Variants in MMP20 observed in about 807,000 individuals in gnomAD.
MMP20 encodes the protein matrix metalloproteinase-20.
In MMP20, 50 loss-of-function variants were observed where a neutral mutation model predicts 51.8. The ratio of observed to expected loss-of-function variants is 0.97; its 90% confidence interval spans 0.77 to 1.22. MMP20 has a LOEUF of 1.22. MMP20 is among the 50% of genes most tolerant of loss of function. The probability of loss-of-function intolerance (pLI) is 0.00; values close to 1 mark genes in which losing one functional copy is unlikely to be tolerated. For missense variants in MMP20, 663 were observed against 601.4 expected (o/e 1.10, Z -1.07); for synonymous variants, 244 against 216.2 (o/e 1.13, Z -1.13).
chr11:102,583,801 C>T (rs1283466615), intron 8 of MMP20, among the ~76,000 whole-genome samples: 3 of 152,172 alleles, frequency 2.0e-5, no homozygotes, highest in Non-Finnish European at 4.4e-5. Flanking sequence ...ATCCTCATCC[C>T]CCATCTCAAC....
chr11:102,614,010 G>A (rs943197489), intron 2 of MMP20, among the ~76,000 whole-genome samples: 1 of 152,312 alleles, frequency 6.6e-6, no homozygotes, highest in East Asian at 1.9e-4. Flanking sequence ...AGGGATCCCC[G>A]AATCAGGGTC....
chr11:102,617,082 C>G (rs17099087), intron 1 of MMP20, 23 bp from the exon 2 acceptor site: 2 of 1,613,922 alleles, frequency 1.2e-6, no homozygotes, highest in Non-Finnish European at 1.7e-6. Context: ...GGCAGGCTGA[C>G]GCGTCTACAG....
At chr11:102,587,612 T>C (rs572792506) in intron 8 of MMP20, among the ~76,000 whole-genome samples, 6 of 152,320 alleles carry the variant, frequency 3.9e-5, no homozygotes, top group Admixed American at 3.9e-4. Flanking sequence ...TACTGCTTCA[T>C]ACATTTTTGG....
intron 6 of MMP20, among the ~76,000 whole-genome samples, chr11:102,598,765 C>T (rs1859412118): frequency 6.6e-6 from 1 of 152,140 alleles, no homozygotes; most frequent in Admixed American, 6.5e-5. Flanking sequence ...GGACTTGATG[C>T]ATGTTGTTGA....
In MMP20 at chr11:102,594,606, G is replaced by C. The variant is rs762443085; in HGVS notation, c.1090+15C>G. 1 of 1,613,242 alleles carries C rather than the reference G, an allele frequency of 6.2e-7. No individual in the cohort carries two copies. Among genetic ancestry groups the C allele is most frequent in the Admixed American group, 1.7e-5 (1 of 59,970 alleles). ...CAGCCCTGCCATTTCTTTCTTTGAG[G>C]GATCTGTAGGGTACCTTTGAAGAAG... is the stretch of plus-strand genomic sequence containing the variant. On this transcript the variant is annotated intron_variant, in intron 7 of 9. Transcript: ENST00000260228.
At chr11:102,623,734 G>A (rs1007790405) in intron 1 of MMP20, among the ~76,000 whole-genome samples, 2 of 152,178 alleles carry the variant, frequency 1.3e-5, no homozygotes, top group Non-Finnish European at 2.9e-5. Flanking sequence ...GCCAACTGTA[G>A]TTTTCCTGAA....
chr11:102,596,693 G>A (rs1411749158), intron 6 of MMP20, among the ~76,000 whole-genome samples: 3 of 152,160 alleles, frequency 2.0e-5, no homozygotes, highest in African/African-American at 7.2e-5. Context: ...TGGTGGTGAG[G>A]GGCAGAGACG....
Position 102,617,099 on chromosome 11 carries a change from C to T in MMP20, c.127-40G>A, listed in dbSNP as rs748438777. ...CAGGCTGACGCGTCTACAGCGTAGT[C>T]TGGGAAATACTCATGCTCAGGTAAG... On this transcript the variant is annotated intron_variant, in intron 1 of 9. Coordinates refer to ENST00000260228, the MANE Select transcript of MMP20 (RefSeq NM_004771.4). The T allele has an allele frequency of 3.1e-6, 5 of 1,613,260 alleles. No individual in the cohort carries two copies. The East Asian group carries it at 8.9e-5, about 29-fold the overall frequency.
intron 1 of MMP20, among the ~76,000 whole-genome samples, chr11:102,621,952 T>C (rs1859756072): frequency 6.6e-6 from 1 of 152,230 alleles, no homozygotes; most frequent in Non-Finnish European, 1.5e-5. Context: ...TTAAAATTTT[T>C]ATTTTTAAGC....
chr11:102,622,303 A>G (rs1224066079), intron 1 of MMP20, among the ~76,000 whole-genome samples: 2 of 151,568 alleles, frequency 1.3e-5, no homozygotes, highest in South Asian at 2.1e-4. Flanking sequence ...ATCCCTAAGC[A>G]CTCTCTCTGC....
At chr11:102,602,220 G>A (rs1210052965) in intron 6 of MMP20, among the ~76,000 whole-genome samples, 1 of 147,452 alleles carries the variant, frequency 6.8e-6, no homozygotes, top group Non-Finnish European at 1.5e-5. Flanking sequence ...TGCCCACCTC[G>A]GCCTCCCAAA....
intron 8 of MMP20, among the ~76,000 whole-genome samples, chr11:102,579,829 G>A (rs1235522156): frequency 6.6e-6 from 1 of 152,078 alleles, no homozygotes; most frequent in African/African-American, 2.4e-5. Flanking sequence ...CATTTGAAAG[G>A]AACTCTCTAT....
At chr11:102,603,265 C>A (rs1473192181) in intron 6 of MMP20, among the ~76,000 whole-genome samples, 1 of 152,148 alleles carries the variant, frequency 6.6e-6, no homozygotes, top group African/African-American at 2.4e-5. Flanking sequence ...TCAGTGGCTC[C>A]CTGGTTGCCA....
intron 3 of MMP20, among the ~76,000 whole-genome samples, chr11:102,611,340 G>A (rs1565398307): frequency 6.6e-6 from 1 of 152,192 alleles, no homozygotes; most frequent in Non-Finnish European, 1.5e-5. Flanking sequence ...GCTGCTTCAA[G>A]GTCACTGTGG....
chr11:102,588,276 A>G (rs1859276715), intron 8 of MMP20, among the ~76,000 whole-genome samples: 1 of 152,004 alleles, frequency 6.6e-6, no homozygotes, highest in African/African-American at 2.4e-5. Flanking sequence ...TGTTATACCT[A>G]TTGTATCTAT....
At chr11:102,615,814 C>T (rs1407655476) in intron 2 of MMP20, among the ~76,000 whole-genome samples, 1 of 152,090 alleles carries the variant, frequency 6.6e-6, no homozygotes, top group Non-Finnish European at 1.5e-5. Context: ...TGTGCAAGGC[C>T]TGGGGCAGGA....
chr11:102,607,893 G>C (rs1859539933), intron 5 of MMP20: 2 of 152,154 alleles, frequency 1.3e-5, no homozygotes, highest in Non-Finnish European at 2.9e-5. Context: ...TTGTGACATG[G>C]AGACATTCAT....
chr11:102,586,168 T>C (rs369341475), intron 8 of MMP20, among the ~76,000 whole-genome samples: 2 of 152,198 alleles, frequency 1.3e-5, no homozygotes, highest in East Asian at 3.8e-4. Context: ...TGTGAAAAAC[T>C]GGTATTAATT....
chr11:102,581,607 G>T (rs1859196739), intron 8 of MMP20, among the ~76,000 whole-genome samples: 1 of 152,160 alleles, frequency 6.6e-6, no homozygotes, highest in Non-Finnish European at 1.5e-5. Context: ...GAAAATATGT[G>T]GTGGTTGGGA....
Sources: allele counts gnomAD v4.1 joint callset (sites outside exome capture counted in the v4.1 genomes callset), GRCh38; gene constraint gnomAD v4.1.1; transcripts MANE v1.5; gene names NCBI Gene and HGNC (gene_info 2026-07-23, HGNC 2026-07-21).